The following TSHZ2 variants were observed in gnomAD, a reference collection of about 807,000 sequenced individuals.
The protein encoded by TSHZ2 is teashirt zinc finger homeobox 2.
TSHZ2 carries 21 observed loss-of-function variants against 74.4 expected under a neutral mutation model. That is an observed-to-expected ratio of 0.28 (90% CI 0.20 to 0.41). TSHZ2 has a LOEUF of 0.41. Among genes scored for constraint, TSHZ2 ranks in the 10% least tolerant of loss-of-function variants. The pLI, the probability that TSHZ2 is intolerant of heterozygous loss-of-function variation, is 1.00. For synonymous variants in TSHZ2, 540 were observed against 515.3 expected (o/e 1.05, Z -0.65); for missense variants, 1,244 against 1,293.5 (o/e 0.96, Z 0.59).
intron 1 of TSHZ2, among the ~76,000 whole-genome samples, chr20:53,029,769 A>T (rs991005896): frequency 1.3e-5 from 2 of 152,344 alleles, no homozygotes; most frequent in African/African-American, 4.8e-5. Context: ...CAAGTTGCAA[A>T]CGTACAGTAT....
intron 1 of TSHZ2, among the ~76,000 whole-genome samples, chr20:53,213,208 A>G (rs1479118367): frequency 6.6e-6 from 1 of 152,224 alleles, no homozygotes; most frequent in Non-Finnish European, 1.5e-5. Context: ...AAATCTAGCT[A>G]CCTTAGGTTT....
rs372653677 is a variant in TSHZ2 at position 53,039,623 on chromosome 20, A to G, written c.40+66290A>G. On this transcript the variant is annotated intron_variant, in intron 1 of 2. Transcript: ENST00000371497. Reference sequence around the variant, plus strand: ...GTGAAACTCCGTCTCCACTAAAAACACAAAAAATTAGCTGGGTGTGGTGGC... The same window carrying G: ...GTGAAACTCCGTCTCCACTAAAAACGCAAAAAATTAGCTGGGTGTGGTGGC... Among the ~76,000 whole-genome samples the G allele has an allele frequency of 2.0e-5, 3 of 152,166 alleles. No homozygotes were observed. The East Asian group carries it at 5.8e-4, about 29-fold the overall frequency.
At chr20:53,263,008 G>T (rs1990633684) in intron 2 of TSHZ2, among the ~76,000 whole-genome samples, 1 of 152,224 alleles carries the variant, frequency 6.6e-6, no homozygotes, top group Admixed American at 6.5e-5. Context: ...GAAAATAGTT[G>T]TTTGGTTTGG....
chr20:53,030,429 G>A (rs1297470683), intron 1 of TSHZ2, among the ~76,000 whole-genome samples: 1 of 151,524 alleles, frequency 6.6e-6, no homozygotes, highest in African/African-American at 2.4e-5. Context: ...AAGAAATTCC[G>A]AACTCAGCCA....
chr20:53,289,458 C>G (rs376382301), intron 2 of TSHZ2, among the ~76,000 whole-genome samples: 1 of 152,068 alleles, frequency 6.6e-6, no homozygotes, highest in Admixed American at 6.6e-5. Context: ...CCCTTTCTAC[C>G]GCATCCACAC....
chr20:53,045,420 T>A (rs1426826112), intron 1 of TSHZ2, among the ~76,000 whole-genome samples: 1 of 152,224 alleles, frequency 6.6e-6, no homozygotes, highest in Non-Finnish European at 1.5e-5. Context: ...GTAAACATCA[T>A]GTGCACATCT....
At chr20:53,171,737 A>G (rs1451248126) in intron 1 of TSHZ2, among the ~76,000 whole-genome samples, 1 of 152,150 alleles carries the variant, frequency 6.6e-6, no homozygotes, top group Non-Finnish European at 1.5e-5. Flanking sequence ...ACATGGTATC[A>G]AAATATATGT....
At chr20:53,442,449 G>C (rs562716836) in intron 2 of TSHZ2, among the ~76,000 whole-genome samples, 2 of 152,238 alleles carry the variant, frequency 1.3e-5, no homozygotes, top group South Asian at 2.1e-4. Context: ...ACTGCTGAGC[G>C]GGGGCTTAGG....
intron 2 of TSHZ2, among the ~76,000 whole-genome samples, chr20:53,311,611 C>A (rs1978789941): frequency 6.6e-6 from 1 of 152,236 alleles, no homozygotes; most frequent in Non-Finnish European, 1.5e-5. Context: ...CACTCAGACA[C>A]ACGTACACTG....
chr20:53,139,745 CA>C (rs1279489001), intron 1 of TSHZ2, among the ~76,000 whole-genome samples: 1 of 152,132 alleles, frequency 6.6e-6, no homozygotes, highest in Non-Finnish European at 1.5e-5. Flanking sequence ...ATGCTATGTG[CA>C]AAAAACTTGG....
At chr20:53,247,380 C>T (rs1990232553) in intron 1 of TSHZ2, among the ~76,000 whole-genome samples, 1 of 152,168 alleles carries the variant, frequency 6.6e-6, no homozygotes, top group African/African-American at 2.4e-5. Flanking sequence ...TAGACTTCCT[C>T]TCTCCTGAAA....
chr20:53,397,674 C>T (rs1982505191), intron 2 of TSHZ2: 2 of 152,186 alleles, frequency 1.3e-5, no homozygotes, highest in African/African-American at 4.8e-5. Context: ...GACATATGCA[C>T]ATGTATGTTT....
chr20:53,209,649 C>G (rs1989254278), intron 1 of TSHZ2, among the ~76,000 whole-genome samples: 1 of 152,174 alleles, frequency 6.6e-6, no homozygotes, highest in African/African-American at 2.4e-5. Context: ...ATTCTACTTC[C>G]AAATCAATCA....
intron 1 of TSHZ2, among the ~76,000 whole-genome samples, chr20:53,104,613 G>A (rs1986311421): frequency 6.6e-6 from 1 of 152,158 alleles, no homozygotes; most frequent in Non-Finnish European, 1.5e-5. Flanking sequence ...ATATGGTACT[G>A]TGCCCATCAA....
intron 1 of TSHZ2, among the ~76,000 whole-genome samples, chr20:53,014,184 T>A (rs1276476442): frequency 7.0e-6 from 1 of 142,800 alleles, no homozygotes; most frequent in Non-Finnish European, 1.5e-5. Context: ...AGAAGCCATC[T>A]CTTCATACGG....
intron 2 of TSHZ2, among the ~76,000 whole-genome samples, chr20:53,474,579 C>A (rs1364003596): frequency 7.6e-6 from 1 of 131,254 alleles, no homozygotes. Flanking sequence ...ACCATCCAGA[C>A]TAGGAAGAAA....
chr20:53,136,686 C>T (rs2123401391), intron 1 of TSHZ2, among the ~76,000 whole-genome samples: 1 of 152,244 alleles, frequency 6.6e-6, no homozygotes, highest in South Asian at 2.1e-4. Context: ...TTTCAAGTCT[C>T]CTTTCACTCA....
Position 53,255,510 on chromosome 20 carries a change from C to T in TSHZ2, c.2052C>T (p.Asn684=), listed in dbSNP as rs760255379. Residue 684 remains asparagine, a synonymous_variant, in exon 2 of 3, where the codon AAC becomes AAT. Coordinates refer to ENST00000371497, the MANE Select transcript of TSHZ2 (RefSeq NM_173485.6). This position sits in a 1 kb window ranked among gnomAD's most constrained non-coding sequence, Gnocchi z 4.1. ...TGAGCAATGGGTGCGCCCTCGCCAA[C>T]CACGCCCCGGCCCTGCCATGCATCA... The part of the protein sequence containing the change: ...SALSNGCALA[N]HAPALPCINP... The T allele has an allele frequency of 6.3e-7, 1 of 1,590,634 alleles. No individual in the cohort carries two copies. Among genetic ancestry groups the T allele is most frequent in the Non-Finnish European group, 8.5e-7 (1 of 1,170,780 alleles).
chr20:52,983,905 C>A (rs1568704035), intron 1 of TSHZ2, among the ~76,000 whole-genome samples: 1 of 152,224 alleles, frequency 6.6e-6, no homozygotes. Flanking sequence ...CTCTGTCCCT[C>A]CCCCACGGGG....
Sources: gnomAD v4.1 joint callset for allele counts (sites outside exome capture counted in the v4.1 genomes callset) on GRCh38, gnomAD v4.1.1 for gene constraint, Gnocchi (gnomAD v3.1) non-coding constraint, MANE v1.5 for transcripts, NCBI Gene and HGNC (gene_info 2026-07-23, HGNC 2026-07-21) for gene names.